Variants in COL11A1 observed in about 807,000 individuals in gnomAD.
COL11A1 encodes collagen alpha-1(XI) chain.
In COL11A1, 74 loss-of-function variants were observed where a neutral mutation model predicts 265.2. The observed-to-expected ratio is 0.28, with a 90% CI of 0.23 to 0.34. The LOEUF (loss-of-function observed/expected upper bound fraction) is 0.34. Ranked by LOEUF, COL11A1 falls within the 10% of genes least tolerant of loss-of-function variation. The pLI is 1.00. For synonymous variants in COL11A1, 816 were observed against 727.6 expected (o/e 1.12, Z -1.96); for missense variants, 2,165 against 2,263.6 (o/e 0.96, Z 0.88).
At chr1:102,929,456 TG>T (rs1418466583) in intron 46 of COL11A1, among the ~76,000 whole-genome samples, 8 of 152,058 alleles carry the variant, frequency 5.3e-5, no homozygotes, top group Admixed American at 5.2e-4. Flanking sequence ...TCTATATCTC[TG>T]TTTTGGTACC....
intron 49 of COL11A1, 74 bp from the exon 50 acceptor site, chr1:102,915,758 A>G (rs528250736): frequency 2.5e-6 from 3 of 1,195,168 alleles, no homozygotes; most frequent in African/African-American, 1.5e-5. Flanking sequence ...AAATGTTATC[A>G]TATCATTTTA....
chr1:103,039,467 A>G (rs1163742480), intron 4 of COL11A1, among the ~76,000 whole-genome samples: 2 of 152,102 alleles, frequency 1.3e-5, no homozygotes, highest in Non-Finnish European at 2.9e-5. Context: ...AGCCACTAGT[A>G]TGGTCCTGAT....
intron 57 of COL11A1, among the ~76,000 whole-genome samples, chr1:102,891,823 C>T (rs1016228488): frequency 6.6e-6 from 1 of 151,956 alleles, no homozygotes; most frequent in Non-Finnish European, 1.5e-5. Flanking sequence ...TTTGAGGCTT[C>T]GGTGAGCTAA....
At position 102,965,571 on chromosome 1, in the gene COL11A1, T is replaced by C. The variant is rs769179988; in HGVS notation, c.2863-31A>G. On this transcript the variant is annotated intron_variant, in intron 37 of 66. Transcript: ENST00000370096. ...GAGGCAAAGTATTATTTGTAAAAGC[T>C]ACATACAACACAAAGCATAAATCAA... 1.9e-6 allele frequency: 3 copies of C among 1,587,228 alleles called. No individual in the cohort carries two copies. In the African/African-American group the frequency reaches 4.0e-5, roughly 21 times the overall value.
chr1:103,105,348 T>C (rs1674610447), intron 1 of COL11A1, among the ~76,000 whole-genome samples: 1 of 152,102 alleles, frequency 6.6e-6, no homozygotes, highest in South Asian at 2.1e-4. Flanking sequence ...CACTTAACCT[T>C]GTTATTCTAA....
chr1:102,969,383 A>C (rs1267584629), intron 37 of COL11A1, among the ~76,000 whole-genome samples: 2 of 152,216 alleles, frequency 1.3e-5, no homozygotes, highest in African/African-American at 2.4e-5. Flanking sequence ...CCACATAGTC[A>C]AAGGTAGTCT....
At chr1:103,008,410 T>C (rs1665821433) in intron 15 of COL11A1, 53 bp downstream of exon 15, 3 of 1,428,242 alleles carry the variant, frequency 2.1e-6, no homozygotes, top group Non-Finnish European at 3.0e-6. Context: ...GAAGGAATTA[T>C]GCTGTATCAA....
intron 3 of COL11A1, among the ~76,000 whole-genome samples, chr1:103,076,061 T>G (rs981859340): frequency 2.6e-5 from 4 of 152,136 alleles, no homozygotes; most frequent in African/African-American, 9.7e-5. Flanking sequence ...TTAAAACTGA[T>G]TAGAACTCTA....
At chr1:103,030,449 C>A (rs1667888789) in intron 5 of COL11A1, among the ~76,000 whole-genome samples, 1 of 151,622 alleles carries the variant, frequency 6.6e-6, no homozygotes, top group Non-Finnish European at 1.5e-5. Context: ...CCTAATAGTA[C>A]ATTTAAAAGG....
At chr1:103,038,917 C>A (rs920309653) in intron 4 of COL11A1, among the ~76,000 whole-genome samples, 2 of 152,092 alleles carry the variant, frequency 1.3e-5, no homozygotes, top group Middle Eastern at 3.4e-3. Context: ...TGGAGTGAGA[C>A]GAGAATGATA....
intron 28 of COL11A1, 84 bp from the exon 29 acceptor site, chr1:102,989,655 T>G (rs1228344823): frequency 4.2e-6 from 4 of 959,898 alleles, no homozygotes; most frequent in Non-Finnish European, 3.3e-6. Flanking sequence ...ATTTATGTGC[T>G]GATAACGAGG....
intron 3 of COL11A1, 38 bp from the exon 4 acceptor site, chr1:103,074,818 A>G: frequency 6.2e-7 from 1 of 1,609,586 alleles, no homozygotes; most frequent in East Asian, 2.2e-5. Context: ...AGCTTCAAAG[A>G]AACAGTGGTT....
intron 46 of COL11A1, among the ~76,000 whole-genome samples, chr1:102,929,276 T>C (rs1003413976): frequency 1.5e-4 from 23 of 151,822 alleles, no homozygotes; most frequent in Admixed American, 9.2e-4. Context: ...GTATAAGGTG[T>C]AAGGAAGGGA....
At chr1:103,088,913 A>G (rs578096197) in intron 1 of COL11A1, among the ~76,000 whole-genome samples, 2 of 152,288 alleles carry the variant, frequency 1.3e-5, no homozygotes, top group South Asian at 2.1e-4. Context: ...GAAAAATCAT[A>G]TCTTCATCAT....
At chr1:103,016,618 C>T (rs759807780) in intron 11 of COL11A1, among the ~76,000 whole-genome samples, 2 of 151,774 alleles carry the variant, frequency 1.3e-5, no homozygotes, top group South Asian at 2.1e-4. Context: ...TAACTCAAAG[C>T]GCCCAACCAA....
Position 102,886,520 on chromosome 1 carries a change from C to T in COL11A1, c.4858+287G>A, listed in dbSNP as rs1463048. On this transcript the variant is annotated intron_variant, in intron 63 of 66. Coordinates refer to ENST00000370096, the MANE Select transcript of COL11A1 (RefSeq NM_001854.4). Reference sequence around the variant, plus strand: ...ATACACATGTGTGTATACACAGTATCCATTCTGTGATAGTTATTACAAGCA... The same window carrying T: ...ATACACATGTGTGTATACACAGTATTCATTCTGTGATAGTTATTACAAGCA... 0.49 allele frequency among the ~76,000 whole-genome samples: 74,364 copies of T among 151,978 alleles called. 21,795 individuals carry two copies. The highest frequency in any genetic ancestry group is 0.67 in the East Asian group (3,438 of 5,168).
At chr1:102,954,663 A>G (rs886303468) in intron 41 of COL11A1, among the ~76,000 whole-genome samples, 1 of 151,996 alleles carries the variant, frequency 6.6e-6, no homozygotes, top group African/African-American at 2.4e-5. Context: ...TGGCCAATAT[A>G]GTGAAACCCC....
chr1:102,996,844 T>C (rs755529395), intron 26 of COL11A1, among the ~76,000 whole-genome samples: 10 of 151,936 alleles, frequency 6.6e-5, no homozygotes, highest in African/African-American at 2.2e-4. Context: ...TTACTCCATA[T>C]ATAATACACA....
intron 42 of COL11A1, among the ~76,000 whole-genome samples, chr1:102,942,918 G>A (rs1198829732): frequency 1.3e-5 from 2 of 151,930 alleles, no homozygotes; most frequent in Non-Finnish European, 2.9e-5. Context: ...CTTCTTTTCA[G>A]AGATGGCCAT....
Sources: allele counts gnomAD v4.1 joint callset (sites outside exome capture counted in the v4.1 genomes callset), GRCh38; gene constraint gnomAD v4.1.1; transcripts MANE v1.5; gene names NCBI Gene and HGNC (gene_info 2026-07-23, HGNC 2026-07-21).